PHF14: variants seen among roughly 807,000 people sequenced by gnomAD.
The protein encoded by PHF14 is PHD finger protein 14.
Under a neutral mutation model 117.9 loss-of-function variants are expected in PHF14, and 55 were observed. The ratio of observed to expected loss-of-function variants is 0.47; its 90% CI spans 0.38 to 0.58. The LOEUF (loss-of-function observed/expected upper bound fraction) is 0.58, where lower values mean the gene tolerates loss of function less well. Among genes scored for constraint, PHF14 ranks in the 20% least tolerant of loss-of-function variants. The pLI is 0.00. For missense variants in PHF14, 978 were observed against 1,122.2 expected, an observed-to-expected ratio of 0.87 and a Z score of 1.84; for synonymous variants, 409 against 368.6, an observed-to-expected ratio of 1.11 and a Z score of -1.26.
intron 16 of PHF14, among the ~76,000 whole-genome samples, chr7:11,082,516 A>C (rs1703301217): frequency 6.6e-6 from 1 of 152,198 alleles, no homozygotes; most frequent in African/African-American, 2.4e-5. Flanking sequence ...GATAAGCTTA[A>C]TTTTCCCTTG....
intron 16 of PHF14, chr7:11,102,751 A>G (rs1562467332): frequency 1.5e-6 from 2 of 1,377,508 alleles, no homozygotes; most frequent in Admixed American, 3.0e-5. Context: ...TTTTTTTCCT[A>G]TTTTTCTTCT....
intron 5 of PHF14, among the ~76,000 whole-genome samples, chr7:11,021,904 A>G (rs1052163261): frequency 2.0e-5 from 3 of 152,124 alleles, no homozygotes; most frequent in African/African-American, 7.2e-5. Context: ...AACCAGAACC[A>G]TGTAGCATGC....
At chr7:11,109,277 C>T (rs554830296) in intron 16 of PHF14, 127 of 151,800 alleles carry the variant, frequency 8.4e-4, no homozygotes, top group African/African-American at 2.8e-3. Flanking sequence ...TGAAAATCTA[C>T]AAAAATTGAA....
At chr7:11,072,789 T>G (rs1478290551) in intron 16 of PHF14, among the ~76,000 whole-genome samples, 1 of 152,224 alleles carries the variant, frequency 6.6e-6, no homozygotes, top group Non-Finnish European at 1.5e-5. Context: ...CACTGACATC[T>G]GCTTCTGGTG....
At position 11,104,189 on chromosome 7, in the gene PHF14, TTATAATAC is replaced by T. The variant is rs1230622677; in HGVS notation, c.2655-7156_2655-7149del. The T allele has an allele frequency of 1.1e-5, 11 of 983,134 alleles. No homozygotes were observed. In the South Asian group the frequency reaches 4.2e-4, roughly 38 times the overall value. The allele number at this position is 983,134 out of a possible 1,614,324, so 60.9% of individuals were successfully genotyped here. Reference sequence around the variant, plus strand: ...AAAATCCTTTTCACTTTGATTCCAATTATAATACTATATTATCATCATTTTCCATCTTG... The same window carrying T: ...AAAATCCTTTTCACTTTGATTCCAATTATATTATCATCATTTTCCATCTTG... On this transcript the variant is annotated intron_variant, in intron 16 of 17. Transcript: ENST00000634607.
intron 10 of PHF14, among the ~76,000 whole-genome samples, 167 bp from the exon 11 acceptor site, chr7:11,038,593 G>A (rs1784392249): frequency 6.6e-6 from 1 of 151,660 alleles, no homozygotes; most frequent in South Asian, 2.1e-4. Context: ...CAGAGGCGGA[G>A]GTTGTAGTGA....
chr7:10,999,114 A>G (rs77043289), intron 4 of PHF14, among the ~76,000 whole-genome samples: 17,276 of 152,120 alleles, frequency 0.11, 1,202 homozygotes, highest in African/African-American at 0.2. Context: ...GGCTCAAACA[A>G]TCTTCTTGTT....
intron 3 of PHF14, among the ~76,000 whole-genome samples, chr7:10,988,935 C>G (rs1393434538): frequency 6.6e-6 from 1 of 152,060 alleles, no homozygotes; most frequent in Non-Finnish European, 1.5e-5. Flanking sequence ...GATTTCAAGT[C>G]AACTTTGAAG....
chr7:11,137,296 C>T (rs1012036856), intron 17 of PHF14, among the ~76,000 whole-genome samples: 1 of 152,116 alleles, frequency 6.6e-6, no homozygotes, highest in African/African-American at 2.4e-5. Flanking sequence ...GTGGCCAGTG[C>T]CTGCCAATTG....
At chr7:11,076,262 A>T (rs1348421992) in intron 16 of PHF14, among the ~76,000 whole-genome samples, 2 of 152,236 alleles carry the variant, frequency 1.3e-5, no homozygotes, top group Admixed American at 1.3e-4. Context: ...TTTCTTTGAT[A>T]AATGTAATTT....
intron 2 of PHF14, among the ~76,000 whole-genome samples, chr7:10,976,687 A>C (rs761028422): frequency 1.4e-4 from 22 of 151,994 alleles, no homozygotes; most frequent in Non-Finnish European, 3.1e-4. Flanking sequence ...AGCTAAGTAG[A>C]GATTTCTGAC....
chr7:11,118,017 A>G (rs1787648634), intron 17 of PHF14, among the ~76,000 whole-genome samples: 1 of 151,832 alleles, frequency 6.6e-6, no homozygotes, highest in African/African-American at 2.4e-5. Flanking sequence ...AGCTGTCTAA[A>G]TTCAGTACTC....
At chr7:11,143,188 C>T (rs1175915769) in intron 17 of PHF14, among the ~76,000 whole-genome samples, 2 of 151,990 alleles carry the variant, frequency 1.3e-5, no homozygotes, top group Non-Finnish European at 1.5e-5. Context: ...AAAATGTGTA[C>T]CTAAATAATT....
intron 2 of PHF14, 99 bp from the exon 3 acceptor site, chr7:10,982,273 A>G: frequency 1.4e-6 from 1 of 703,486 alleles, no homozygotes; most frequent in East Asian, 2.9e-5. Context: ...TTTGCAAGTT[A>G]TTCACAAATT....
At chr7:11,165,396 C>A (rs550883624) in intron 17 of PHF14, among the ~76,000 whole-genome samples, 9 of 152,118 alleles carry the variant, frequency 5.9e-5, no homozygotes, top group East Asian at 3.9e-4. Context: ...GTGATATTAA[C>A]CTTGACCATT....
At chr7:11,073,654 C>T (rs971334128) in intron 16 of PHF14, among the ~76,000 whole-genome samples, 1 of 152,184 alleles carries the variant, frequency 6.6e-6, no homozygotes, top group Non-Finnish European at 1.5e-5. Flanking sequence ...CAGGTAGTTC[C>T]CTGGTAGGGA....
intron 17 of PHF14, among the ~76,000 whole-genome samples, chr7:11,129,973 T>A (rs1268304453): frequency 6.6e-6 from 1 of 152,006 alleles, no homozygotes; most frequent in African/African-American, 2.4e-5. Context: ...TTGACAGAAG[T>A]ATTAATTAGG....
At chr7:11,028,145 G>T (rs1460301769) in intron 6 of PHF14, among the ~76,000 whole-genome samples, 2 of 152,060 alleles carry the variant, frequency 1.3e-5, no homozygotes, top group African/African-American at 4.8e-5. Context: ...CCTTTAATAT[G>T]CTTGGAACAT....
intron 16 of PHF14, among the ~76,000 whole-genome samples, chr7:11,083,893 A>G (rs1390753422): frequency 6.6e-6 from 1 of 152,224 alleles, no homozygotes; most frequent in African/African-American, 2.4e-5. Context: ...AGCTAGGAGA[A>G]AATAAATAAT....
Sources: gnomAD v4.1 joint callset for allele counts (sites outside exome capture counted in the v4.1 genomes callset) on GRCh38, gnomAD v4.1.1 for gene constraint, MANE v1.5 for transcripts, NCBI Gene and HGNC (gene_info 2026-07-23, HGNC 2026-07-21) for gene names.